SBF2: variants seen among roughly 807,000 people sequenced by gnomAD.
SBF2 encodes the protein SET binding factor 2.
A neutral mutation model predicts 225.2 loss-of-function variants in SBF2; 112 were observed. That is an observed-to-expected ratio of 0.50 (90% CI 0.43 to 0.58). The LOEUF is 0.58. Among genes scored for constraint, SBF2 ranks in the 20% least tolerant of loss-of-function variants. SBF2 has a pLI of 0.00. For missense variants in SBF2, 1,996 were observed against 2,206.2 expected (o/e 0.90, Z 1.91); for synonymous variants, 763 against 773.3 (o/e 0.99, Z 0.22).
In SBF2 at chr11:10,224,878, A is replaced by G. The variant is rs530485510; in HGVS notation, c.56-30891T>C. Among the ~76,000 whole-genome samples the G allele has an allele frequency of 2.6e-5, 4 of 152,340 alleles. No individual in the cohort carries two copies. The East Asian group carries it at 7.7e-4, about 29-fold the overall frequency. ...CCCTACAGGCCTACAGCTCCATGAG[A>G]ACAGGGACCACACCTGCATGATTTA... On this transcript the variant is annotated intron_variant, in intron 1 of 39. Transcript: ENST00000256190.
At chr11:9,839,330 A>G (rs1366576080) in intron 26 of SBF2, 168 bp downstream of exon 26, 4 of 710,742 alleles carry the variant, frequency 5.6e-6, no homozygotes, top group South Asian at 3.1e-5. Flanking sequence ...TCAGTAAGGT[A>G]ATTGTTCCGA....
Position 10,098,585 on chromosome 11 carries a change from A to C in SBF2, c.142-55604T>G, listed in dbSNP as rs77439516. On this transcript the variant is annotated intron_variant, in intron 2 of 39. Transcript: ENST00000256190. ...TGAATTGCCTGACAAAGAACTCATAATAATTGTTTAACAAGCTACAAGAGG... is the reference window on the plus strand; with the variant it reads ...TGAATTGCCTGACAAAGAACTCATACTAATTGTTTAACAAGCTACAAGAGG... Among the ~76,000 whole-genome samples the C allele has an allele frequency of 3.4e-3, 523 of 152,090 alleles. 4 individuals are homozygous for C. The highest frequency in any genetic ancestry group is 0.012 in the African/African-American group (496 of 41,496).
intron 16 of SBF2, chr11:9,959,343 CA>C (rs958477398): frequency 4.2e-5 from 33 of 778,100 alleles, no homozygotes; most frequent in Non-Finnish European, 7.4e-5. Flanking sequence ...CCCTGGGGCT[CA>C]GGGAATCCAC....
At chr11:9,992,646 C>T in intron 11 of SBF2, 103 bp from the exon 12 acceptor site, 5 of 1,091,820 alleles carry the variant, frequency 4.6e-6, no homozygotes, top group Non-Finnish European at 6.5e-6. Context: ...TAAATCCCTT[C>T]ATGTATAAAT....
chr11:10,002,504 G>T, intron 7 of SBF2, 53 bp downstream of exon 7: 2 of 1,414,256 alleles, frequency 1.4e-6, no homozygotes, highest in South Asian at 1.2e-5. Context: ...ACTTATCAAC[G>T]ATAAGTGATA....
intron 17 of SBF2, among the ~76,000 whole-genome samples, chr11:9,885,435 AC>A (rs1860210279): frequency 6.6e-6 from 1 of 151,986 alleles, no homozygotes; most frequent in African/African-American, 2.4e-5. Context: ...CTTTCTTCCA[AC>A]CCTCACGTTG....
chr11:10,268,066 G>A (rs1257247589), intron 1 of SBF2, among the ~76,000 whole-genome samples: 1 of 152,150 alleles, frequency 6.6e-6, no homozygotes, highest in African/African-American at 2.4e-5. Context: ...ACAAGTATAT[G>A]AAGCATTTAT....
rs1329553724 is a variant in SBF2 at position 10,230,843 on chromosome 11, T to A, written c.56-36856A>T. Among the ~76,000 whole-genome samples the A allele has an allele frequency of 2.0e-5, 3 of 152,226 alleles. No individual in the cohort carries two copies. In the East Asian group the frequency reaches 5.8e-4, roughly 29 times the overall value. On this transcript the variant is annotated intron_variant, in intron 1 of 39. Transcript: ENST00000256190. ...GTGGCGTTCTCTGTATTTCCTGAATTTGAATGTTGGCCTGCCTTGCTAGAT... is the reference window on the plus strand; with the variant it reads ...GTGGCGTTCTCTGTATTTCCTGAATATGAATGTTGGCCTGCCTTGCTAGAT...
At chr11:9,900,759 A>T (rs1861659727) in intron 16 of SBF2, among the ~76,000 whole-genome samples, 1 of 152,222 alleles carries the variant, frequency 6.6e-6, no homozygotes, top group Non-Finnish European at 1.5e-5. Flanking sequence ...AAATGTTCTT[A>T]GACAGGATCC....
chr11:10,270,779 A>T (rs1347778902), intron 1 of SBF2, among the ~76,000 whole-genome samples: 3 of 152,004 alleles, frequency 2.0e-5, no homozygotes, highest in Non-Finnish European at 2.9e-5. Flanking sequence ...GGATCACAAG[A>T]TCAGGAGATT....
intron 1 of SBF2, among the ~76,000 whole-genome samples, chr11:10,265,167 A>G (rs1476368042): frequency 6.6e-6 from 1 of 152,184 alleles, no homozygotes; most frequent in Non-Finnish European, 1.5e-5. Context: ...TCTGTCTTCC[A>G]CAATGGTTGA....
intron 2 of SBF2, among the ~76,000 whole-genome samples, chr11:10,159,222 G>T (rs1490538167): frequency 6.6e-6 from 1 of 152,156 alleles, no homozygotes; most frequent in Non-Finnish European, 1.5e-5. Flanking sequence ...CTAACTTTGG[G>T]AGAAATGTAG....
chr11:9,845,669 CT>C lies in SBF2; in HGVS notation c.3005del (p.Lys1002SerfsTer23). The stretch of plus-strand genomic sequence containing the variant: ...TGAAAATGGACTGAGGATAACGGAA[CT>C]TCATCAGCTGTTTCTTAAAGATCTC... Reference protein sequence around the residue: ...VVEIFKKQLMKFRYPQSIFST... With the variant: ...VVEIFKKQLMXFRYPQSIFST... On this transcript the variant is annotated frameshift_variant, in exon 24 of 40. Transcript: ENST00000256190. LOFTEE classifies it high-confidence loss of function. 6.2e-7 allele frequency: 1 copy of C among 1,613,830 alleles called. No individual in the cohort carries two copies. Among genetic ancestry groups the C allele is most frequent in the South Asian group, 1.1e-5 (1 of 91,080 alleles).
At chr11:10,099,220 A>C (rs1259550452) in intron 2 of SBF2, among the ~76,000 whole-genome samples, 1 of 152,220 alleles carries the variant, frequency 6.6e-6, no homozygotes, top group East Asian at 1.9e-4. Flanking sequence ...GAGCATTAGA[A>C]AACTGACTCA....
chr11:9,792,393 T>G (rs1424788009), intron 33 of SBF2, among the ~76,000 whole-genome samples: 4 of 150,444 alleles, frequency 2.7e-5, no homozygotes, highest in Admixed American at 2.0e-4. Flanking sequence ...ATCGTGCCAC[T>G]GCACTCCAGC....
At chr11:10,121,349 T>C (rs1953438606) in intron 2 of SBF2, among the ~76,000 whole-genome samples, 1 of 152,170 alleles carries the variant, frequency 6.6e-6, no homozygotes, top group African/African-American at 2.4e-5. Flanking sequence ...CAATCTCTCC[T>C]TTTTCTATAT....
At chr11:9,905,486 C>A (rs1862051052) in intron 16 of SBF2, among the ~76,000 whole-genome samples, 1 of 152,160 alleles carries the variant, frequency 6.6e-6, no homozygotes, top group Non-Finnish European at 1.5e-5. Context: ...TGAGTATCTA[C>A]TATGTGCCAG....
intron 2 of SBF2, among the ~76,000 whole-genome samples, chr11:10,179,069 T>G (rs1956607509): frequency 1.3e-5 from 2 of 148,960 alleles, no homozygotes; most frequent in Admixed American, 6.8e-5. Context: ...TTGGAAATCA[T>G]CATTCTCAGT....
chr11:10,170,193 G>A lies in SBF2; in HGVS notation c.141+23709C>T, dbSNP rs545770250. Among the ~76,000 whole-genome samples, 5 of 152,096 alleles carry A rather than the reference G, an allele frequency of 3.3e-5. No homozygotes were observed. The East Asian group carries it at 5.8e-4, about 18-fold the overall frequency. On this transcript the variant is annotated intron_variant, in intron 2 of 39. Transcript: ENST00000256190. The stretch of plus-strand genomic sequence containing the variant: ...TGTCTGTGCTTATGGGGTATTACTC[G>A]AAGTCTTTGCCCAGTTCAGTGCCCT...
Sources: gnomAD v4.1 joint callset for allele counts (sites outside exome capture counted in the v4.1 genomes callset) on GRCh38, gnomAD v4.1.1 for gene constraint, MANE v1.5 for transcripts, NCBI Gene and HGNC (gene_info 2026-07-23, HGNC 2026-07-21) for gene names.